The following CMTM7 variants were observed in gnomAD, a reference collection of about 807,000 sequenced individuals.
CMTM7 encodes CKLF like MARVEL transmembrane domain containing 7.
A neutral mutation model predicts 19.3 loss-of-function variants in CMTM7; 7 were observed. The ratio of observed to expected loss-of-function variants is 0.36; its 90% confidence interval spans 0.21 to 0.68. The LOEUF (loss-of-function observed/expected upper bound fraction) is 0.68, where lower values mean the gene tolerates loss of function less well. Ranked by LOEUF, CMTM7 falls within the 30% of genes least tolerant of loss-of-function variation. The probability of loss-of-function intolerance (pLI) is 0.60; values close to 1 mark genes in which losing one functional copy is unlikely to be tolerated. For missense variants in CMTM7, 193 were observed against 232.6 expected, an observed-to-expected ratio of 0.83 and a Z score of 1.11; for synonymous variants, 87 against 99.3, an observed-to-expected ratio of 0.88 and a Z score of 0.74.
chr3:32,454,148 C>T, intron 4 of CMTM7, 93 bp from the exon 5 acceptor site: 1 of 1,365,194 alleles, frequency 7.3e-7, no homozygotes, highest in Non-Finnish European at 1.0e-6. Flanking sequence ...CAGGTGCCCC[C>T]CTGAGCAGAA....
chr3:32,403,105 C>T (rs1279936933), intron 1 of CMTM7, among the ~76,000 whole-genome samples: 1 of 152,238 alleles, frequency 6.6e-6, no homozygotes, highest in Non-Finnish European at 1.5e-5. Context: ...TTAAACGTTT[C>T]CTCTTAAGTT....
At chr3:32,452,609 A>G (rs1276230551) in intron 4 of CMTM7, 136 bp downstream of exon 4, 5 of 823,164 alleles carry the variant, frequency 6.1e-6, no homozygotes, top group Non-Finnish European at 9.9e-6. Flanking sequence ...GTATTAGAGC[A>G]CAGGGGCCAG....
chr3:32,450,845 C>T (rs1213620279), intron 3 of CMTM7, among the ~76,000 whole-genome samples: 1 of 152,210 alleles, frequency 6.6e-6, no homozygotes, highest in Non-Finnish European at 1.5e-5. Flanking sequence ...CTATAGCTAA[C>T]ATTCATCATA....
At chr3:32,444,676 G>A (rs1362657943) in intron 2 of CMTM7, among the ~76,000 whole-genome samples, 1 of 152,160 alleles carries the variant, frequency 6.6e-6, no homozygotes, top group African/African-American at 2.4e-5. Context: ...CCATGAACAT[G>A]GGAAGTTTTT....
intron 1 of CMTM7, among the ~76,000 whole-genome samples, chr3:32,404,550 G>C (rs557184040): frequency 6.6e-6 from 1 of 152,310 alleles, no homozygotes; most frequent in African/African-American, 2.4e-5. Context: ...TAAATACATA[G>C]CTGTCCAAAG....
Position 32,454,377 on chromosome 3 carries a change from G to GCCCTCTT in CMTM7, c.*125_*126insCTCTTCC, listed in dbSNP as rs1477319685. The GCCCTCTT allele has an allele frequency of 3.0e-5, 35 of 1,184,742 alleles. No individual in the cohort carries two copies. Among genetic ancestry groups the GCCCTCTT allele is most frequent in the Middle Eastern group, 1.9e-4 (1 of 5,306 alleles). 73.4% of individuals were successfully genotyped at this position (1,184,742 alleles called of 1,614,324 possible). A position where few individuals can be genotyped will look rare whatever the true frequency, so the allele number is the denominator to read the frequency against. On this transcript the variant is annotated 3_prime_UTR_variant, in exon 5 of 5. Coordinates refer to ENST00000334983, the MANE Select transcript of CMTM7 (RefSeq NM_138410.4). ...GTCAGGCTGGTGGGCACCAGGAAAG[G>GCCCTCTT]CCTGCACCCTCTTCCTGCTCTCCCA...
At chr3:32,452,701 G>A (rs1019473336) in intron 4 of CMTM7, among the ~76,000 whole-genome samples, 7 of 151,660 alleles carry the variant, frequency 4.6e-5, no homozygotes, top group African/African-American at 7.3e-5. Flanking sequence ...TTTCAGCCTC[G>A]GGTGGCCAAG....
intron 1 of CMTM7, among the ~76,000 whole-genome samples, chr3:32,399,742 C>T (rs1695973874): frequency 6.6e-6 from 1 of 152,148 alleles, no homozygotes; most frequent in Admixed American, 6.5e-5. Flanking sequence ...GTCCTACTTC[C>T]TGGAAGTTGG....
At chr3:32,407,900 T>G (rs535539816) in intron 1 of CMTM7, among the ~76,000 whole-genome samples, 5 of 152,362 alleles carry the variant, frequency 3.3e-5, no homozygotes, top group Admixed American at 2.6e-4. Context: ...AGATGTAGTG[T>G]GTTGAGTGAT....
At position 32,441,930 on chromosome 3, in the gene CMTM7, G is replaced by A. The variant is rs780296829; in HGVS notation, c.250G>A (p.Asp84Asn). The change falls in exon 2 of 5, where the codon GAC becomes AAC. Residue 84 changes from aspartate (D) to asparagine (N), a missense_variant. Coordinates refer to ENST00000334983, the MANE Select transcript of CMTM7 (RefSeq NM_138410.4). ...YSYFEVVTIC[D>N]LIMILAFYLV... is the part of the protein sequence containing the mutation. ...CTACTTTGAAGTGGTCACCATTTGC[G>A]ACTTGATAATGATCCTCGCCTTTTA... 7.4e-6 allele frequency: 12 copies of A among 1,614,176 alleles called. No homozygotes were observed. The highest frequency in any genetic ancestry group is 5.0e-5 in the Admixed American group (3 of 60,030).
intron 1 of CMTM7, among the ~76,000 whole-genome samples, chr3:32,395,796 A>G (rs1695906007): frequency 6.6e-6 from 1 of 152,252 alleles, no homozygotes; most frequent in South Asian, 2.1e-4. Context: ...AAATGAAAAC[A>G]GATGTCCACA....
At position 32,453,867 on chromosome 3, in the gene CMTM7, C is replaced by T. The variant is rs150067660; in HGVS notation, c.515-374C>T. Among the ~76,000 whole-genome samples the T allele has an allele frequency of 5.0e-4, 76 of 152,082 alleles. 1 individual carries two copies. Among genetic ancestry groups the T allele is most frequent in the African/African-American group, 1.7e-3 (72 of 41,454 alleles). ...AAGAAAAAAAAGAATGATTTTTAAA[C>T]GTAGAGAATATAGGGGAAAAGAGAA... is the stretch of plus-strand genomic sequence containing the variant. On this transcript the variant is annotated intron_variant, in intron 4 of 4. Coordinates refer to ENST00000334983, the MANE Select transcript of CMTM7 (RefSeq NM_138410.4).
intron 1 of CMTM7, among the ~76,000 whole-genome samples, chr3:32,405,305 T>C (rs111683498): frequency 8.1e-4 from 123 of 152,314 alleles, no homozygotes; most frequent in African/African-American, 2.8e-3. Flanking sequence ...ACTAACGCAG[T>C]CACAAAAGCC....
At chr3:32,416,511 C>G (rs1696268869) in intron 1 of CMTM7, among the ~76,000 whole-genome samples, 1 of 139,084 alleles carries the variant, frequency 7.2e-6, no homozygotes, top group African/African-American at 2.7e-5. Flanking sequence ...CTGCCTCAGC[C>G]TCCCGAGTAG....
intron 1 of CMTM7, among the ~76,000 whole-genome samples, chr3:32,402,833 G>A (rs941144522): frequency 5.9e-5 from 9 of 152,232 alleles, no homozygotes; most frequent in African/African-American, 1.9e-4. Flanking sequence ...AAAGTGTTGG[G>A]ATTACAGGCG....
intron 2 of CMTM7, among the ~76,000 whole-genome samples, chr3:32,445,451 A>T (rs2125641976): frequency 6.6e-6 from 1 of 152,216 alleles, no homozygotes; most frequent in East Asian, 1.9e-4. Flanking sequence ...CTTTTTCCGT[A>T]TCTACTGAGG....
At chr3:32,404,345 A>T (rs1696059203) in intron 1 of CMTM7, among the ~76,000 whole-genome samples, 1 of 151,500 alleles carries the variant, frequency 6.6e-6, no homozygotes, top group Non-Finnish European at 1.5e-5. Flanking sequence ...AATTTTGTAG[A>T]TAACGGGGTT....
intron 1 of CMTM7, among the ~76,000 whole-genome samples, chr3:32,438,937 C>G (rs1386592656): frequency 1.3e-5 from 2 of 152,176 alleles, no homozygotes. Context: ...AAAATTGCCT[C>G]TCTACCTAGG....
intron 1 of CMTM7, among the ~76,000 whole-genome samples, chr3:32,403,128 C>T (rs59898126): frequency 0.16 from 23,972 of 152,228 alleles, 2,096 homozygotes; most frequent in East Asian, 0.28. Context: ...GAGAGTGGTA[C>T]TTAACTAAAT....
Sources: allele counts gnomAD v4.1 joint callset (sites outside exome capture counted in the v4.1 genomes callset), GRCh38; gene constraint gnomAD v4.1.1; transcripts MANE v1.5; gene names NCBI Gene and HGNC (gene_info 2026-07-23, HGNC 2026-07-21).